The following SEMA6D variants were observed in gnomAD, a reference collection of about 807,000 sequenced individuals.
SEMA6D encodes the protein semaphorin 6D, also known as semaphorin-6D.
SEMA6D carries 35 observed loss-of-function variants against 106.6 expected under a neutral mutation model. The observed-to-expected ratio is 0.33, with a 90% confidence interval of 0.25 to 0.44. The LOEUF (loss-of-function observed/expected upper bound fraction) is 0.44. Among genes scored for constraint, SEMA6D ranks in the 20% least tolerant of loss-of-function variants. The pLI is 1.00. For synonymous variants in SEMA6D, 499 were observed against 487.7 expected, an observed-to-expected ratio of 1.02 and a Z score of -0.31; for missense variants, 1,185 against 1,345.9, an observed-to-expected ratio of 0.88 and a Z score of 1.87.
chr15:47,466,222 T>C (rs1383456249), intron 2 of SEMA6D, among the ~76,000 whole-genome samples: 1 of 152,198 alleles, frequency 6.6e-6, no homozygotes, highest in Non-Finnish European at 1.5e-5. Flanking sequence ...ACATTATTAT[T>C]AACTGTAGTT....
At chr15:47,714,812 C>A (rs550388626), upstream of SEMA6D, among the ~76,000 whole-genome samples, 22 of 152,266 alleles carry the variant, frequency 1.4e-4, no homozygotes, top group South Asian at 4.4e-3. Flanking sequence ...TGGTTTAGCA[C>A]ATAAGGGAGT....
chr15:47,702,721 G>A (rs1265824505), intron 4 of SEMA6D, among the ~76,000 whole-genome samples: 1 of 152,110 alleles, frequency 6.6e-6, no homozygotes, highest in Non-Finnish European at 1.5e-5. Context: ...AAAGACATGT[G>A]AGGAAATTAA....
At chr15:47,736,425 A>G (rs1002018227) in intron 1 of SEMA6D, among the ~76,000 whole-genome samples, 1 of 152,234 alleles carries the variant, frequency 6.6e-6, no homozygotes, top group Non-Finnish European at 1.5e-5. Context: ...AAATAGATTC[A>G]GTGTTCCAAG....
At chr15:47,218,183 A>G (rs1445603227) in intron 1 of SEMA6D, among the ~76,000 whole-genome samples, 2 of 152,290 alleles carry the variant, frequency 1.3e-5, no homozygotes, top group East Asian at 1.9e-4. Context: ...AGATGCTGTA[A>G]GAATTGTATA....
intron 3 of SEMA6D, among the ~76,000 whole-genome samples, chr15:47,578,727 C>T (rs959293400): frequency 6.6e-6 from 1 of 151,426 alleles, no homozygotes; most frequent in African/African-American, 2.4e-5. Flanking sequence ...TGAGGAAATT[C>T]TACCTGTTAG....
At chr15:47,708,738 A>C (rs1458686286) in intron 4 of SEMA6D, among the ~76,000 whole-genome samples, 1 of 152,230 alleles carries the variant, frequency 6.6e-6, no homozygotes, top group Non-Finnish European at 1.5e-5. Flanking sequence ...ATAAAGTTAC[A>C]TGGTGAGATA....
rs2035899768 is a variant in SEMA6D at position 47,298,640 on chromosome 15, G to T, written c.-238-113753G>T. Among the ~76,000 whole-genome samples, 7 of 152,112 alleles carry T rather than the reference G, an allele frequency of 4.6e-5. No homozygotes were observed. In the South Asian group the frequency reaches 1.4e-3, roughly 31 times the overall value. Reference sequence around the variant, plus strand: ...CTCCATCAACTCTGTTTTCACATCTGCCCTCCAGCAGGCTGCAGGGGTGGT... The same window carrying T: ...CTCCATCAACTCTGTTTTCACATCTTCCCTCCAGCAGGCTGCAGGGGTGGT... On this transcript the variant is annotated intron_variant, in intron 1 of 19. Coordinates refer to the SEMA6D transcript ENST00000558014.
chr15:47,665,460 G>T (rs999315617), intron 4 of SEMA6D, among the ~76,000 whole-genome samples: 2 of 152,088 alleles, frequency 1.3e-5, no homozygotes, highest in Non-Finnish European at 2.9e-5. Flanking sequence ...TAAGGTCATG[G>T]TTAGAGAAAG....
At chr15:47,581,450 A>T (rs1476945971) in intron 3 of SEMA6D, 1 of 461,110 alleles carries the variant, frequency 2.2e-6, no homozygotes, top group African/African-American at 2.0e-5. Context: ...AAGTACCTGG[A>T]TGGAGTGGGA....
intron 1 of SEMA6D, among the ~76,000 whole-genome samples, chr15:47,384,941 C>T (rs936254936): frequency 1.8e-4 from 26 of 140,962 alleles, no homozygotes; most frequent in Admixed American, 2.3e-4. Context: ...GCAAAATGAA[C>T]GAAGGCTGAT....
chr15:47,189,452 T>C (rs1405991913), intron 1 of SEMA6D, among the ~76,000 whole-genome samples: 1 of 152,120 alleles, frequency 6.6e-6, no homozygotes, highest in South Asian at 2.1e-4. Context: ...ACTTTTTGAC[T>C]GTAGAAAAAC....
chr15:47,327,200 T>A (rs930807122), intron 1 of SEMA6D, among the ~76,000 whole-genome samples: 1 of 152,222 alleles, frequency 6.6e-6, no homozygotes, highest in East Asian at 1.9e-4. Context: ...GCCTGTTTTT[T>A]TTCTGAAGTT....
At chr15:47,755,677 CA>C (rs1567081866) in intron 1 of SEMA6D, among the ~76,000 whole-genome samples, 1 of 151,698 alleles carries the variant, frequency 6.6e-6, no homozygotes, top group African/African-American at 2.4e-5. Context: ...GTCAGAGGCC[CA>C]AATGATAGCC....
intron 1 of SEMA6D, among the ~76,000 whole-genome samples, chr15:47,210,201 T>G (rs1309612895): frequency 6.6e-6 from 1 of 152,184 alleles, no homozygotes; most frequent in Non-Finnish European, 1.5e-5. Flanking sequence ...TCGACTTTAG[T>G]GGAACCCTGA....
intron 4 of SEMA6D, among the ~76,000 whole-genome samples, chr15:47,617,408 A>C (rs1353792653): frequency 1.3e-5 from 2 of 152,180 alleles, no homozygotes; most frequent in African/African-American, 4.8e-5. Context: ...CAACCTCTTC[A>C]TGGCCTCTTT....
intron 1 of SEMA6D, among the ~76,000 whole-genome samples, chr15:47,733,071 C>G (rs908203911): frequency 5.9e-5 from 9 of 152,214 alleles, no homozygotes; most frequent in African/African-American, 1.9e-4. Flanking sequence ...CACATTTTCT[C>G]ATGGTTCCTA....
At chr15:47,372,030 C>T (rs2039291426) in intron 1 of SEMA6D, among the ~76,000 whole-genome samples, 1 of 152,196 alleles carries the variant, frequency 6.6e-6, no homozygotes, top group South Asian at 2.1e-4. Context: ...CCCATGCAGG[C>T]ACTGCCAACC....
chr15:47,398,491 G>C (rs1263359813), intron 1 of SEMA6D, among the ~76,000 whole-genome samples: 2 of 152,184 alleles, frequency 1.3e-5, no homozygotes. Context: ...AAAATAAACA[G>C]GGTTTTGGGA....
intron 3 of SEMA6D, among the ~76,000 whole-genome samples, chr15:47,511,937 G>T (rs1284558859): frequency 6.6e-6 from 1 of 152,112 alleles, no homozygotes; most frequent in Non-Finnish European, 1.5e-5. Flanking sequence ...GCCTGACCTC[G>T]GTGAGAAAAA....
Sources: allele counts gnomAD v4.1 joint callset (sites outside exome capture counted in the v4.1 genomes callset), GRCh38; gene constraint gnomAD v4.1.1; transcripts MANE v1.5; gene names NCBI Gene and HGNC (gene_info 2026-07-23, HGNC 2026-07-21).